The following MSH3 variants were observed in gnomAD, a reference collection of about 807,000 sequenced individuals.
MSH3 encodes DNA mismatch repair protein Msh3.
MSH3 carries 106 observed loss-of-function variants against 123.3 expected under a neutral mutation model. The observed-to-expected ratio is 0.86, with a 90% CI of 0.73 to 1.01. The LOEUF (loss-of-function observed/expected upper bound fraction) is 1.01, where lower values mean the gene tolerates loss of function less well. Among genes scored for constraint, MSH3 ranks in the 50% least tolerant of loss-of-function variants. The probability of loss-of-function intolerance (pLI) is 0.00; values close to 1 mark genes in which losing one functional copy is unlikely to be tolerated. For missense variants in MSH3, 1,459 were observed against 1,347.6 expected (o/e 1.08, Z -1.29); for synonymous variants, 515 against 481.4 (o/e 1.07, Z -0.91).
chr5:80,663,451 C>G (rs1441805670), intron 2 of MSH3, among the ~76,000 whole-genome samples: 1 of 151,840 alleles, frequency 6.6e-6, no homozygotes, highest in African/African-American at 2.4e-5. Flanking sequence ...TTGAGTATGA[C>G]AAGAATGACC....
intron 8 of MSH3, among the ~76,000 whole-genome samples, chr5:80,691,718 C>G (rs1580564182): frequency 6.7e-6 from 1 of 148,404 alleles, no homozygotes; most frequent in Non-Finnish European, 1.5e-5. Context: ...TTTGCCCTAT[C>G]AAAACTCAAA....
intron 3 of MSH3, among the ~76,000 whole-genome samples, chr5:80,666,136 T>A (rs1650668): frequency 0.28 from 41,941 of 152,134 alleles, 6,008 homozygotes; most frequent in Middle Eastern, 0.35. Context: ...TATAGTTCAC[T>A]GTAGTCTCAA....
chr5:80,682,758 A>G (rs1749999731), intron 8 of MSH3, among the ~76,000 whole-genome samples: 1 of 152,202 alleles, frequency 6.6e-6, no homozygotes, highest in South Asian at 2.1e-4. Flanking sequence ...TTATTTTAAA[A>G]TGTACAATTA....
intron 8 of MSH3, among the ~76,000 whole-genome samples, chr5:80,709,988 C>T (rs188514747): frequency 6.6e-5 from 10 of 152,324 alleles, no homozygotes; most frequent in South Asian, 2.1e-4. Flanking sequence ...TTCTTGACTT[C>T]GTGCCTTTCT....
chr5:80,754,002 G>A (rs1319265047), intron 12 of MSH3, among the ~76,000 whole-genome samples: 1 of 152,190 alleles, frequency 6.6e-6, no homozygotes. Context: ...CAAGGAATAG[G>A]AAGAAATGTT....
At chr5:80,737,553 G>T (rs950645795) in intron 10 of MSH3, among the ~76,000 whole-genome samples, 1 of 152,166 alleles carries the variant, frequency 6.6e-6, no homozygotes, top group Non-Finnish European at 1.5e-5. Context: ...TCATTTCAAA[G>T]CACATAGAAT....
chr5:80,722,580 G>A (rs529875670), intron 8 of MSH3, among the ~76,000 whole-genome samples: 1 of 152,206 alleles, frequency 6.6e-6, no homozygotes, highest in African/African-American at 2.4e-5. Flanking sequence ...ATGCTGGGCC[G>A]GGCCCCACCC....
chr5:80,752,256 G>C (rs1743852452), intron 12 of MSH3, among the ~76,000 whole-genome samples: 1 of 151,930 alleles, frequency 6.6e-6, no homozygotes, highest in Non-Finnish European at 1.5e-5. Context: ...AGGTCTAAGA[G>C]GTAAGGTGTG....
At chr5:80,728,066 TAGGTG>T (rs1743335774) in intron 9 of MSH3, among the ~76,000 whole-genome samples, 1 of 152,088 alleles carries the variant, frequency 6.6e-6, no homozygotes, top group African/African-American at 2.4e-5. Flanking sequence ...GGGAGAACAT[TAGGTG>T]AGCTCAGAAA....
intron 8 of MSH3, among the ~76,000 whole-genome samples, chr5:80,716,960 T>C (rs1461433202): frequency 1.3e-5 from 2 of 152,224 alleles, no homozygotes; most frequent in African/African-American, 2.4e-5. Flanking sequence ...ACATGTGATA[T>C]TCGTCTTTTG....
At chr5:80,832,030 A>C (rs1745427969) in intron 20 of MSH3, among the ~76,000 whole-genome samples, 1 of 152,142 alleles carries the variant, frequency 6.6e-6, no homozygotes, top group South Asian at 2.1e-4. Flanking sequence ...GAATGGCGTG[A>C]ACCCGGGAGG....
At chr5:80,695,945 A>G (rs1226320624) in intron 8 of MSH3, among the ~76,000 whole-genome samples, 1 of 152,194 alleles carries the variant, frequency 6.6e-6, no homozygotes, top group Non-Finnish European at 1.5e-5. Context: ...CTTCTGTTCT[A>G]GCTGGCTTTC....
chr5:80,699,932 T>C (rs1750571459), intron 8 of MSH3, among the ~76,000 whole-genome samples: 1 of 152,186 alleles, frequency 6.6e-6, no homozygotes, highest in Non-Finnish European at 1.5e-5. Flanking sequence ...TCGTAGGAAA[T>C]CTCTTTTTTT....
rs1745828090 is a variant in MSH3, at chr5:80,851,424, T to G, written c.2814-2706T>G. 2.6e-5 allele frequency among the ~76,000 whole-genome samples: 4 copies of G among 152,300 alleles called. 1 individual carries two copies. In the South Asian group the frequency reaches 8.3e-4, roughly 32 times the overall value. Reference sequence around the variant, plus strand: ...ATATAGAATGTGAATATTTTCCTGTTTGAATTTACATATTTGGGTGTTTTC... The same window carrying G: ...ATATAGAATGTGAATATTTTCCTGTGTGAATTTACATATTTGGGTGTTTTC... On this transcript the variant is annotated intron_variant, in intron 20 of 23. Coordinates refer to ENST00000265081, the MANE Select transcript of MSH3 (RefSeq NM_002439.5).
chr5:80,693,579 A>G (rs938849164), intron 8 of MSH3, among the ~76,000 whole-genome samples: 5 of 132,856 alleles, frequency 3.8e-5, no homozygotes, highest in Admixed American at 8.1e-5. Context: ...ATATATGCAC[A>G]TGTATATAAA....
At chr5:80,793,033 G>C (rs1744636426) in intron 19 of MSH3, among the ~76,000 whole-genome samples, 189 bp downstream of exon 19, 1 of 152,190 alleles carries the variant, frequency 6.6e-6, no homozygotes, top group African/African-American at 2.4e-5. Context: ...ATTATCAATA[G>C]GTTTAGTAAC....
At position 80,662,888 on chromosome 5, in the gene MSH3, A is replaced by G. The variant is rs1209062089; in HGVS notation, c.359-2255A>G. 2.0e-5 allele frequency among the ~76,000 whole-genome samples: 3 copies of G among 152,228 alleles called. No individual in the cohort carries two copies. The East Asian group carries it at 5.8e-4, about 29-fold the overall frequency. On this transcript the variant is annotated intron_variant, in intron 2 of 23. Transcript: ENST00000265081. Reference sequence around the variant, plus strand: ...GCAATTTGGGACATACACACAGACCAGGTGGTCTTTGGTATGTTTGAAGCA... The same window carrying G: ...GCAATTTGGGACATACACACAGACCGGGTGGTCTTTGGTATGTTTGAAGCA...
intron 2 of MSH3, among the ~76,000 whole-genome samples, chr5:80,658,370 T>C (rs1487704072): frequency 6.6e-6 from 1 of 152,182 alleles, no homozygotes; most frequent in African/African-American, 2.4e-5. Flanking sequence ...GTTGTTCTCT[T>C]TTTATAGAGG....
At chr5:80,749,341 A>G (rs534800339) in intron 12 of MSH3, among the ~76,000 whole-genome samples, 1 of 152,328 alleles carries the variant, frequency 6.6e-6, no homozygotes, top group South Asian at 2.1e-4. Flanking sequence ...TGAGAGTCTG[A>G]TGTTCAAGGG....
Sources: gnomAD v4.1 joint callset for allele counts (sites outside exome capture counted in the v4.1 genomes callset) on GRCh38, gnomAD v4.1.1 for gene constraint, MANE v1.5 for transcripts, NCBI Gene and HGNC (gene_info 2026-07-23, HGNC 2026-07-21) for gene names.